Variants in TAFA1 observed in about 807,000 individuals in gnomAD.
TAFA1 encodes chemokine-like protein TAFA-1.
Under a neutral mutation model 18.5 loss-of-function variants are expected in TAFA1, and 4 were observed. That is an observed-to-expected ratio of 0.22 (90% CI 0.11 to 0.49). The LOEUF (loss-of-function observed/expected upper bound fraction) is 0.49, where lower values mean the gene tolerates loss of function less well. Ranked by LOEUF, TAFA1 falls within the 20% of genes least tolerant of loss-of-function variation. The pLI is 0.98. For synonymous variants in TAFA1, 56 were observed against 55.2 expected (o/e 1.01, Z -0.06); for missense variants, 147 against 169.0 (o/e 0.87, Z 0.72).
chr3:68,535,682 A>G (rs1053422329), intron 3 of TAFA1, among the ~76,000 whole-genome samples: 1 of 152,184 alleles, frequency 6.6e-6, no homozygotes, highest in Non-Finnish European at 1.5e-5. Flanking sequence ...CCTACTGTCG[A>G]CCTAAAGGGA....
intron 2 of TAFA1, among the ~76,000 whole-genome samples, chr3:68,309,365 ATT>A (rs1435009121): frequency 2.0e-5 from 3 of 152,210 alleles, no homozygotes; most frequent in Non-Finnish European, 4.4e-5. Context: ...TATAATAATT[ATT>A]GTCACTTACT....
chr3:68,518,565 A>G (rs1335691357), intron 3 of TAFA1, among the ~76,000 whole-genome samples: 1 of 152,206 alleles, frequency 6.6e-6, no homozygotes, highest in Non-Finnish European at 1.5e-5. Flanking sequence ...CTGATTAGTA[A>G]TTACTGATGA....
At chr3:68,465,399 G>A (rs1055998285) in intron 3 of TAFA1, among the ~76,000 whole-genome samples, 2 of 152,118 alleles carry the variant, frequency 1.3e-5, no homozygotes, top group African/African-American at 4.8e-5. Context: ...TGTCTAAAGA[G>A]TATAAGTCAT....
chr3:68,524,551 C>T (rs1442639059), intron 3 of TAFA1, among the ~76,000 whole-genome samples: 1 of 152,126 alleles, frequency 6.6e-6, no homozygotes, highest in Non-Finnish European at 1.5e-5. Context: ...CATTATTAAA[C>T]CACTATTGCT....
intron 2 of TAFA1, among the ~76,000 whole-genome samples, chr3:68,362,816 T>G (rs946189046): frequency 7.2e-5 from 11 of 152,038 alleles, no homozygotes; most frequent in African/African-American, 2.7e-4. Flanking sequence ...GTTCTACAAA[T>G]GTGTGTAGTT....
chr3:68,251,360 C>T (rs904318107), intron 2 of TAFA1, among the ~76,000 whole-genome samples: 5 of 152,206 alleles, frequency 3.3e-5, no homozygotes, highest in Admixed American at 1.3e-4. Context: ...AGTACTAAGA[C>T]ACATATTCTC....
intron 3 of TAFA1, among the ~76,000 whole-genome samples, chr3:68,514,654 C>T (rs1212566168): frequency 6.6e-6 from 1 of 150,614 alleles, no homozygotes; most frequent in Admixed American, 6.6e-5. Flanking sequence ...AGCTGTGCCT[C>T]AGTAGTAATA....
chr3:68,102,947 C>G (rs1037894504), intron 2 of TAFA1, among the ~76,000 whole-genome samples: 9 of 152,130 alleles, frequency 5.9e-5, no homozygotes, highest in African/African-American at 1.9e-4. Flanking sequence ...GTACTGGAGA[C>G]CCTAGGATTC....
intron 2 of TAFA1, among the ~76,000 whole-genome samples, chr3:68,075,040 A>G (rs574792075): frequency 2.9e-4 from 44 of 152,310 alleles, no homozygotes; most frequent in African/African-American, 1.0e-3. Context: ...GACCAGACAA[A>G]GTAGAATCAC....
chr3:68,315,211 A>T (rs2068587204), intron 2 of TAFA1, among the ~76,000 whole-genome samples: 1 of 152,132 alleles, frequency 6.6e-6, no homozygotes, highest in African/African-American at 2.4e-5. Context: ...TTCTGACTGG[A>T]TATGGACAAA....
chr3:68,262,095 G>A (rs1415026809), intron 2 of TAFA1, among the ~76,000 whole-genome samples: 5 of 151,166 alleles, frequency 3.3e-5, no homozygotes, highest in Non-Finnish European at 7.4e-5. Context: ...AACGCTCTCT[G>A]CTCAATCTCC....
intron 2 of TAFA1, among the ~76,000 whole-genome samples, chr3:68,298,263 A>G (rs1318718468): frequency 6.6e-6 from 1 of 152,184 alleles, no homozygotes. Flanking sequence ...AGTTTGAACT[A>G]GGGATCCAAC....
At chr3:68,301,036 G>A (rs767001713) in intron 2 of TAFA1, among the ~76,000 whole-genome samples, 15 of 152,082 alleles carry the variant, frequency 9.9e-5, no homozygotes, top group Non-Finnish European at 1.0e-4. Flanking sequence ...ACACAGAATC[G>A]TGTAACCACT....
chr3:68,298,804 G>A (rs549668192), intron 2 of TAFA1, among the ~76,000 whole-genome samples: 3 of 152,146 alleles, frequency 2.0e-5, no homozygotes, highest in African/African-American at 4.8e-5. Context: ...ATGCTGAACT[G>A]TGAATCAATT....
chr3:68,069,139 T>C (rs914219726), intron 2 of TAFA1, among the ~76,000 whole-genome samples: 1 of 152,212 alleles, frequency 6.6e-6, no homozygotes, highest in African/African-American at 2.4e-5. Context: ...TGCACCATAA[T>C]AGATAAATCT....
At chr3:68,192,002 G>T (rs968172137) in intron 2 of TAFA1, among the ~76,000 whole-genome samples, 2 of 151,644 alleles carry the variant, frequency 1.3e-5, no homozygotes, top group African/African-American at 4.8e-5. Context: ...CTATATTCTT[G>T]GTTTATCTGC....
intron 2 of TAFA1, among the ~76,000 whole-genome samples, chr3:68,291,622 C>A (rs915590029): frequency 6.7e-6 from 1 of 149,644 alleles, no homozygotes; most frequent in Non-Finnish European, 1.5e-5. Context: ...AAAAAGGGAG[C>A]GAAGGCCAAA....
At chr3:68,251,525 T>C (rs1480386563) in intron 2 of TAFA1, among the ~76,000 whole-genome samples, 1 of 151,888 alleles carries the variant, frequency 6.6e-6, no homozygotes, top group Non-Finnish European at 1.5e-5. Context: ...TGCATTTCAG[T>C]GGAGGAGAAA....
intron 3 of TAFA1, among the ~76,000 whole-genome samples, chr3:68,524,413 G>A (rs1310201268): frequency 6.6e-6 from 1 of 152,186 alleles, no homozygotes; most frequent in Non-Finnish European, 1.5e-5. Context: ...GACAGGCAAA[G>A]TCAGTGCACA....
Sources: allele counts gnomAD v4.1 joint callset (sites outside exome capture counted in the v4.1 genomes callset), GRCh38; gene constraint gnomAD v4.1.1; transcripts MANE v1.5; gene names NCBI Gene and HGNC (gene_info 2026-07-23, HGNC 2026-07-21).